The following TMEM132D variants were observed in gnomAD, a reference collection of about 807,000 sequenced individuals.
TMEM132D encodes transmembrane protein 132D, also known as mature OL transmembrane protein.
In TMEM132D, 21 loss-of-function variants were observed where a neutral mutation model predicts 62.3. That is an observed-to-expected ratio of 0.34 (90% CI 0.24 to 0.49). TMEM132D has a LOEUF of 0.49. Among genes scored for constraint, TMEM132D ranks in the 20% least tolerant of loss-of-function variants. The probability of loss-of-function intolerance (pLI) is 0.99; values close to 1 mark genes in which losing one functional copy is unlikely to be tolerated. For missense variants in TMEM132D, 1,346 were observed against 1,402.8 expected, an observed-to-expected ratio of 0.96 and a Z score of 0.65; for synonymous variants, 621 against 575.6, an observed-to-expected ratio of 1.08 and a Z score of -1.13.
Position 129,903,429 on chromosome 12 carries a change from G to T in TMEM132D, c.-90C>A. ...CAGTCCCCTAGAGGCCCGCAGCGGG[G>T]CCGGTGGCGAGGGAGCGCCCGGCTA... On this transcript the variant is annotated 5_prime_UTR_variant, in exon 1 of 9. Transcript: ENST00000422113. This position sits in a 1 kb window ranked among gnomAD's most constrained non-coding sequence, Gnocchi z 6.2. 1 of 1,413,046 alleles carries T rather than the reference G, an allele frequency of 7.1e-7. No homozygotes were observed. 87.5% of individuals were successfully genotyped at this position (1,413,046 alleles called of 1,614,324 possible).
chr12:129,142,818 G>T (rs2135531237), intron 5 of TMEM132D, among the ~76,000 whole-genome samples: 1 of 152,142 alleles, frequency 6.6e-6, no homozygotes, highest in East Asian at 1.9e-4. Context: ...GGCCCCTTTT[G>T]GTGGAAGATG....
At chr12:129,799,867 A>G (rs1871706230) in intron 1 of TMEM132D, among the ~76,000 whole-genome samples, 2 of 152,142 alleles carry the variant, frequency 1.3e-5, no homozygotes, top group Admixed American at 6.5e-5. Flanking sequence ...ACAGCTCTGC[A>G]GCCTGGGGGC....
At chr12:129,669,279 G>A (rs1880447046) in intron 2 of TMEM132D, among the ~76,000 whole-genome samples, 2 of 152,172 alleles carry the variant, frequency 1.3e-5, no homozygotes, top group Admixed American at 6.6e-5. Flanking sequence ...GAAAAATTAT[G>A]CTTCAAAAGA....
chr12:129,440,555 T>C (rs1034288216), intron 3 of TMEM132D, among the ~76,000 whole-genome samples: 2 of 152,200 alleles, frequency 1.3e-5, no homozygotes, highest in African/African-American at 4.8e-5. Flanking sequence ...ACACTTCTCA[T>C]ATATCCCATA....
chr12:129,434,605 C>T (rs1346846023), intron 3 of TMEM132D, among the ~76,000 whole-genome samples: 4 of 151,588 alleles, frequency 2.6e-5, no homozygotes, highest in East Asian at 1.9e-4. Flanking sequence ...AGTCCTGAGA[C>T]GAATCCAGGA....
chr12:129,219,187 G>T (rs1245925099), intron 4 of TMEM132D, among the ~76,000 whole-genome samples: 3 of 152,104 alleles, frequency 2.0e-5, no homozygotes, highest in Non-Finnish European at 4.4e-5. Flanking sequence ...GGAGGGACCT[G>T]GTAGGAGGTA....
chr12:129,630,366 A>G (rs1593096927), intron 2 of TMEM132D, among the ~76,000 whole-genome samples: 1 of 152,188 alleles, frequency 6.6e-6, no homozygotes, highest in African/African-American at 2.4e-5. Flanking sequence ...TAGATATCTC[A>G]CCATCAGATG....
At chr12:129,772,511 C>G (rs923220691) in intron 1 of TMEM132D, among the ~76,000 whole-genome samples, 4 of 152,186 alleles carry the variant, frequency 2.6e-5, no homozygotes, top group Non-Finnish European at 4.4e-5. Flanking sequence ...CTGGAAAGGG[C>G]TTCCTATCAA....
intron 3 of TMEM132D, among the ~76,000 whole-genome samples, chr12:129,456,406 A>G (rs1873468550): frequency 6.6e-6 from 1 of 152,156 alleles, no homozygotes; most frequent in Non-Finnish European, 1.5e-5. Context: ...TAGTTCTCCC[A>G]CTACTGGTGA....
intron 5 of TMEM132D, among the ~76,000 whole-genome samples, chr12:129,114,430 T>C (rs1050898921): frequency 6.7e-6 from 1 of 149,558 alleles, no homozygotes; most frequent in African/African-American, 2.5e-5. Flanking sequence ...CCTTCCCTCC[T>C]TCCTCCCTCC....
intron 3 of TMEM132D, among the ~76,000 whole-genome samples, chr12:129,522,387 C>T (rs1232876391): frequency 6.6e-6 from 1 of 151,950 alleles, no homozygotes; most frequent in Non-Finnish European, 1.5e-5. Flanking sequence ...ATTTTTCTTT[C>T]ATTTCTTTTT....
chr12:129,139,220 T>C (rs1876668100), intron 5 of TMEM132D, among the ~76,000 whole-genome samples: 3 of 150,430 alleles, frequency 2.0e-5, no homozygotes, highest in African/African-American at 7.2e-5. Flanking sequence ...CTCAAAATTC[T>C]TTCTTTCCAG....
rs1879430482 is a variant in TMEM132D at position 129,634,513 on chromosome 12, G to A, written c.968+65297C>T. Among the ~76,000 whole-genome samples, 3 of 150,938 alleles carry A rather than the reference G, an allele frequency of 2.0e-5. No homozygotes were observed. The South Asian group carries it at 6.3e-4, about 32-fold the overall frequency. On this transcript the variant is annotated intron_variant, in intron 2 of 8. Transcript: ENST00000422113. ...AAATGAAATTTTTCAGGATGGCACT[G>A]TAGTTTAAAAGTTCTGAATTCATTG...
At chr12:129,640,186 C>T (rs1216019531) in intron 2 of TMEM132D, among the ~76,000 whole-genome samples, 1 of 152,106 alleles carries the variant, frequency 6.6e-6, no homozygotes, top group African/African-American at 2.4e-5. Context: ...GGCCTGCACC[C>T]TTTTTCTGGA....
chr12:129,136,783 TCATCAC>T (rs1476461530), intron 5 of TMEM132D, among the ~76,000 whole-genome samples: 5 of 122,166 alleles, frequency 4.1e-5, no homozygotes, highest in Non-Finnish European at 8.6e-5. Context: ...ACCATCACCA[TCATCAC>T]CATCACCATC....
intron 2 of TMEM132D, among the ~76,000 whole-genome samples, chr12:129,638,616 C>CATAT (rs569430518): frequency 8.4e-4 from 75 of 89,094 alleles, no homozygotes; most frequent in South Asian, 2.3e-3. Context: ...ATAAATTCAG[C>CATAT]ATATATATAT....
At chr12:129,453,093 G>A (rs534423380) in intron 3 of TMEM132D, among the ~76,000 whole-genome samples, 39 of 152,282 alleles carry the variant, frequency 2.6e-4, no homozygotes, top group African/African-American at 7.7e-4. Context: ...TGTGAACTGC[G>A]TATGCAAGGG....
chr12:129,753,852 C>T (rs1183930776), intron 1 of TMEM132D, among the ~76,000 whole-genome samples: 1 of 152,170 alleles, frequency 6.6e-6, no homozygotes, highest in Admixed American at 6.5e-5. Flanking sequence ...ATTTTTCCCC[C>T]TATAATTCTT....
At chr12:129,757,292 C>G (rs1254478701) in intron 1 of TMEM132D, among the ~76,000 whole-genome samples, 1 of 152,148 alleles carries the variant, frequency 6.6e-6, no homozygotes, top group African/African-American at 2.4e-5. Flanking sequence ...TGGAATTCTG[C>G]TATTAAAGAA....
Sources: gnomAD v4.1 joint callset for allele counts (sites outside exome capture counted in the v4.1 genomes callset) on GRCh38, gnomAD v4.1.1 for gene constraint, Gnocchi (gnomAD v3.1) non-coding constraint, MANE v1.5 for transcripts, NCBI Gene and HGNC (gene_info 2026-07-23, HGNC 2026-07-21) for gene names.